Variants in REV1 observed in about 807,000 individuals in gnomAD.
The protein encoded by REV1 is REV1 DNA directed polymerase, also known as translesion synthesis protein REV1.
Under a neutral mutation model 137.4 loss-of-function variants are expected in REV1, and 42 were observed. The observed-to-expected ratio is 0.31, with a 90% CI of 0.24 to 0.40. The LOEUF (loss-of-function observed/expected upper bound fraction) is 0.40, where lower values mean the gene tolerates loss of function less well. Ranked by LOEUF, REV1 falls within the 10% of genes least tolerant of loss-of-function variation. The pLI is 1.00. For missense variants in REV1, 1,282 were observed against 1,490.1 expected, an observed-to-expected ratio of 0.86 and a Z score of 2.30; for synonymous variants, 524 against 519.2, an observed-to-expected ratio of 1.01 and a Z score of -0.12.
intron 3 of REV1, chr2:99,451,297 C>G: frequency 9.1e-7 from 1 of 1,098,192 alleles, no homozygotes; most frequent in Non-Finnish European, 1.1e-6. Flanking sequence ...TAAAAAGACA[C>G]GTCAAGAACA....
At chr2:99,416,997 G>C (rs967973622) in intron 12 of REV1, among the ~76,000 whole-genome samples, 1 of 151,178 alleles carries the variant, frequency 6.6e-6, no homozygotes. Flanking sequence ...AGGTCAAGTA[G>C]CTAAAACGTC....
chr2:99,489,182 C>A (rs139063388), intron 1 of REV1, among the ~76,000 whole-genome samples: 12 of 152,242 alleles, frequency 7.9e-5, no homozygotes, highest in African/African-American at 2.4e-4. Flanking sequence ...CGGCGCCCAG[C>A]GTATTTAGCG....
rs1313332568 is a variant in REV1 at position 99,442,392 on chromosome 2, C to G, written c.428G>C (p.Ser143Thr). 2 of 1,613,558 alleles carry G rather than the reference C, an allele frequency of 1.2e-6. No homozygotes were observed. The highest frequency in any genetic ancestry group is 1.1e-5 in the South Asian group (1 of 91,070). Residue 143 changes from serine (S) to threonine (T), a missense_variant, in exon 5 of 23, where the codon AGC becomes ACC. This residue lies in a region of REV1 where 432 missense variants were observed against 438.0 expected (regional missense o/e 0.99). Transcript: ENST00000258428. Reference sequence around the variant, plus strand: ...CTCAGGTCTGCATACAGGATTAAAGCTGAGACCTTTCTGCACACTGGACTG... The same window carrying G: ...CTCAGGTCTGCATACAGGATTAAAGGTGAGACCTTTCTGCACACTGGACTG... Reference protein sequence around the residue: ...TKQSSVQKGLSFNPVCRPEDP... With the variant: ...TKQSSVQKGLTFNPVCRPEDP...
Position 99,406,403 on chromosome 2 carries a change from G to C in REV1, c.2536C>G (p.Pro846Ala). The C allele has an allele frequency of 6.2e-7, 1 of 1,613,880 alleles. No individual in the cohort carries two copies. Among genetic ancestry groups the C allele is most frequent in the Non-Finnish European group, 8.5e-7 (1 of 1,179,804 alleles). ...TCACGGACAGAGTATGACCCACTAGGAAAGTGGCTTGACTGAACTGATGGG... is the reference window on the plus strand; with the variant it reads ...TCACGGACAGAGTATGACCCACTAGCAAAGTGGCTTGACTGAACTGATGGG... ...SRPSVQSSHF[P>A]SGSYSVRDVF... Residue 846 changes from proline (P) to alanine (A), a missense_variant, in exon 16 of 23, where the codon CCT (proline) becomes GCT (alanine). Physicochemically the swap from Pro to Ala is conservative, Grantham distance 27. Around this residue, in one of 7 missense-constraint regions of REV1, gnomAD observed 372 missense variants for 482.3 expected, o/e 0.77. Transcript: ENST00000258428.
chr2:99,423,402 A>G (rs1420447466), intron 10 of REV1, among the ~76,000 whole-genome samples: 10 of 152,200 alleles, frequency 6.6e-5, no homozygotes, highest in Admixed American at 2.6e-4. Context: ...AAGCCCATTC[A>G]TATACATTCC....
intron 8 of REV1, among the ~76,000 whole-genome samples, chr2:99,431,545 G>A (rs995512712): frequency 6.6e-6 from 1 of 152,206 alleles, no homozygotes; most frequent in Non-Finnish European, 1.5e-5. Context: ...TTTCCAAGGT[G>A]TAACCATGAG....
chr2:99,462,893 G>A, intron 2 of REV1: 1 of 258,942 alleles, frequency 3.9e-6, no homozygotes, highest in East Asian at 9.4e-5. Flanking sequence ...TTTGAGACCA[G>A]CTTGGCCAAC....
intron 1 of REV1, among the ~76,000 whole-genome samples, chr2:99,482,619 G>A (rs1420426057): frequency 6.6e-6 from 1 of 152,070 alleles, no homozygotes; most frequent in African/African-American, 2.4e-5. Flanking sequence ...CTCTTCCCAG[G>A]ACTCTTAAGA....
chr2:99,460,920 T>C (rs987903842), intron 3 of REV1, among the ~76,000 whole-genome samples: 2 of 152,238 alleles, frequency 1.3e-5, no homozygotes, highest in Non-Finnish European at 2.9e-5. Context: ...ATATTCATTT[T>C]TCTTCCCTCA....
intron 1 of REV1, among the ~76,000 whole-genome samples, chr2:99,474,907 A>T (rs1685804934): frequency 6.8e-6 from 1 of 147,172 alleles, no homozygotes; most frequent in Non-Finnish European, 1.5e-5. Flanking sequence ...GTTTCAAAAA[A>T]GAAAAAAAAA....
At chr2:99,434,854 C>T (rs1163956933) in intron 7 of REV1, among the ~76,000 whole-genome samples, 3 of 151,784 alleles carry the variant, frequency 2.0e-5, no homozygotes, top group African/African-American at 4.8e-5. Context: ...CTCAATTTTA[C>T]GCAACAGAAA....
intron 14 of REV1, 75 bp from the exon 15 acceptor site, chr2:99,408,206 TTTAAAAG>T: frequency 2.8e-6 from 2 of 722,648 alleles, no homozygotes; most frequent in Non-Finnish European, 2.2e-6. Flanking sequence ...TATGGAACTG[TTTAAAAG>T]AGTTATAGAA....
chr2:99,454,550 C>CAAAAAAAAAAAAAAAAA (rs373850478), intron 3 of REV1, among the ~76,000 whole-genome samples: 8 of 82,368 alleles, frequency 9.7e-5, no homozygotes, highest in African/African-American at 2.0e-4. Context: ...AACTCCAGCT[C>CAAAAAAAAAAAAAAAAA]AAAAAAAAAA....
intron 3 of REV1, chr2:99,451,522 C>G: frequency 5.4e-6 from 7 of 1,294,468 alleles, no homozygotes; most frequent in Non-Finnish European, 7.1e-6. Context: ...GGCAAGATCA[C>G]ATAAACTATG....
chr2:99,403,537 A>AT (rs1675816226), intron 19 of REV1, 158 bp downstream of exon 19: 1 of 864,076 alleles, frequency 1.2e-6, no homozygotes, highest in Non-Finnish European at 1.8e-6. Flanking sequence ...AAATATGATG[A>AT]TATTTACTCA....
intron 1 of REV1, among the ~76,000 whole-genome samples, chr2:99,467,801 T>C (rs967466485): frequency 1.3e-5 from 2 of 152,114 alleles, no homozygotes; most frequent in African/African-American, 4.8e-5. Flanking sequence ...ATCCCAGCAC[T>C]TTGGGAGGCC....
At position 99,442,535 on chromosome 2, in the gene REV1, T is replaced by C. The variant is rs1370744277; in HGVS notation, c.351-66A>G. 10 of 1,402,812 alleles carry C rather than the reference T, an allele frequency of 7.1e-6. 1 individual carries two copies. In the South Asian group the frequency reaches 9.5e-5, roughly 13 times the overall value. The allele number at this position is 1,402,812 out of a possible 1,614,324, so 86.9% of individuals were successfully genotyped here. A position where few individuals can be genotyped will look rare whatever the true frequency, so the allele number is the denominator to read the frequency against. On this transcript the variant is annotated intron_variant, in intron 4 of 22. Coordinates refer to ENST00000258428, the MANE Select transcript of REV1 (RefSeq NM_016316.4). ...GTGACAATGAGCTTCATGAAAAATA[T>C]TCAATGTCCTTAAAGATACAGTATT...
chr2:99,412,257 C>CAAAAA (rs1160440580), intron 13 of REV1, among the ~76,000 whole-genome samples: 2 of 53,028 alleles, frequency 3.8e-5, no homozygotes, highest in African/African-American at 7.0e-5. Context: ...GACTCCATCT[C>CAAAAA]AAAAAAAAAA....
intron 3 of REV1, 34 bp downstream of exon 3, chr2:99,462,462 A>T: frequency 6.4e-7 from 1 of 1,566,250 alleles, no homozygotes. Flanking sequence ...ATAAAAATAC[A>T]TGCCAAAATA....
Sources: gnomAD v4.1 joint callset for allele counts (sites outside exome capture counted in the v4.1 genomes callset) on GRCh38, gnomAD v4.1.1 for gene constraint, gnomAD v4.1.1 regional missense constraint, MANE v1.5 for transcripts, NCBI Gene and HGNC (gene_info 2026-07-23, HGNC 2026-07-21) for gene names.